Variants in ZIM2 observed in about 807,000 individuals in gnomAD.
The protein encoded by ZIM2 is zinc finger protein 656.
Under a neutral mutation model 38.6 loss-of-function variants are expected in ZIM2, and 14 were observed. The observed-to-expected ratio is 0.36, with a 90% CI of 0.24 to 0.57. ZIM2 has a LOEUF of 0.57. ZIM2 is among the 20% of genes least tolerant of loss of function. The pLI is 0.81. For synonymous variants in ZIM2, 247 were observed against 245.8 expected (o/e 1.00, Z -0.04); for missense variants, 680 against 695.1 (o/e 0.98, Z 0.24).
chr19:56,819,780 A>C (rs1253366173), intron 7 of ZIM2, among the ~76,000 whole-genome samples: 1 of 152,228 alleles, frequency 6.6e-6, no homozygotes, highest in African/African-American at 2.4e-5. Flanking sequence ...TGTAAAGGAA[A>C]TACAAATGTC....
Position 56,814,269 on chromosome 19 carries a change from G to A in ZIM2, c.490+3477C>T, listed in dbSNP as rs768013153. ...CCACTTCTGGCTCAGCAGCCTCTAC[G>A]TTTAAGCCCTGAATCCTCAGAACTA... On this transcript the variant is annotated intron_variant, in intron 9 of 12. Coordinates refer to ENST00000629319, the MANE Select transcript of ZIM2 (RefSeq NM_001387356.1). The surrounding 1 kb of genome is among the most constrained non-coding windows in gnomAD (Gnocchi z 5.8). The A allele has an allele frequency of 1.1e-5, 18 of 1,612,816 alleles. No homozygotes were observed. The highest frequency in any genetic ancestry group is 8.8e-5 in the South Asian group (8 of 90,608).
intron 10 of ZIM2, 35 bp from the exon 11 acceptor site, chr19:56,782,156 G>A (rs1373745747): frequency 6.2e-7 from 1 of 1,605,112 alleles, no homozygotes; most frequent in Admixed American, 1.7e-5. Context: ...CGTGATTAGA[G>A]AGGACTGAAC....
intron 9 of ZIM2, chr19:56,817,294 G>C (rs777335656): frequency 2.5e-6 from 4 of 1,613,980 alleles, no homozygotes; most frequent in Admixed American, 3.3e-5. Context: ...TCTCTTTCTG[G>C]AAACAAGGGT....
At chr19:56,830,932 A>G (rs2146521066) in intron 2 of ZIM2, among the ~76,000 whole-genome samples, 1 of 152,198 alleles carries the variant, frequency 6.6e-6, no homozygotes, top group South Asian at 2.1e-4. Context: ...ATCACCAAAA[A>G]AATAAAAAAC....
chr19:56,793,096 T>C (rs1341106208), intron 9 of ZIM2: 2 of 152,690 alleles, frequency 1.3e-5, no homozygotes, highest in Non-Finnish European at 2.9e-5. Context: ...CTGAATCTCC[T>C]CTGGCAGGGT....
rs1378873959 is a variant in ZIM2 at position 56,833,082 on chromosome 19, C to T, written c.-227+2936G>A. On this transcript the variant is annotated intron_variant, in intron 2 of 12. Coordinates refer to ENST00000629319, the MANE Select transcript of ZIM2 (RefSeq NM_001387356.1). ...CAGTGTTCAACTGAGCAGGGAAGAA[C>T]TTAATGAAAGAACACATCATGCACT... 1.0e-5 allele frequency: 5 copies of T among 484,538 alleles called. No individual in the cohort carries two copies. The East Asian group carries it at 2.9e-4, about 28-fold the overall frequency. 30.0% of individuals were successfully genotyped at this position (484,538 alleles called of 1,614,324 possible).
intron 2 of ZIM2, 148 bp downstream of exon 2, chr19:56,835,870 C>A (rs890564347): frequency 5.9e-6 from 2 of 341,224 alleles, no homozygotes; most frequent in Non-Finnish European, 1.2e-5. Flanking sequence ...ACACAATCCA[C>A]CAGAAGAGTC....
intron 9 of ZIM2, chr19:56,812,594 T>C (rs916342041): frequency 3.0e-6 from 3 of 985,774 alleles, no homozygotes; most frequent in East Asian, 2.3e-4. Flanking sequence ...ATGTTGCTAC[T>C]TGTCACTTAA....
At chr19:56,795,513 C>G (rs1017254908) in intron 9 of ZIM2, among the ~76,000 whole-genome samples, 1 of 152,240 alleles carries the variant, frequency 6.6e-6, no homozygotes, top group Non-Finnish European at 1.5e-5. Flanking sequence ...CACGCCCTGA[C>G]CAAAACCAGC....
At chr19:56,794,985 T>A (rs997788314) in intron 9 of ZIM2, among the ~76,000 whole-genome samples, 10 of 152,252 alleles carry the variant, frequency 6.6e-5, no homozygotes, top group Admixed American at 2.0e-4. Context: ...TGTTTCAGAT[T>A]TACAAGCCAA....
chr19:56,825,347 T>C (rs945632077), intron 3 of ZIM2, among the ~76,000 whole-genome samples: 1 of 152,260 alleles, frequency 6.6e-6, no homozygotes, highest in Non-Finnish European at 1.5e-5. Context: ...CAGTGAGAAG[T>C]GACCATTGAG....
chr19:56,813,344 A>G (rs2059672353), intron 9 of ZIM2: 1 of 1,077,482 alleles, frequency 9.3e-7, no homozygotes, highest in African/African-American at 1.6e-5. Flanking sequence ...AACACTATAT[A>G]TACGTTACAC....
intron 9 of ZIM2, chr19:56,810,279 C>T (rs2048033510): frequency 2.0e-6 from 2 of 980,496 alleles, no homozygotes; most frequent in African/African-American, 1.8e-5. Context: ...ATAATGAACA[C>T]ATTTCATATA....
At chr19:56,810,496 G>GT in intron 9 of ZIM2, 1 of 984,950 alleles carries the variant, frequency 1.0e-6, no homozygotes, top group African/African-American at 1.7e-5. Context: ...GATGTTAACA[G>GT]TTAATTGTTG....
At chr19:56,835,887 T>C (rs897071690) in intron 2 of ZIM2, 131 bp downstream of exon 2, 1 of 377,550 alleles carries the variant, frequency 2.6e-6, no homozygotes, top group African/African-American at 2.1e-5. Context: ...AGTCTGGGTG[T>C]TCTCAGAGGG....
chr19:56,776,113 A>G (rs1198167760), intron 12 of ZIM2, among the ~76,000 whole-genome samples: 2 of 150,422 alleles, frequency 1.3e-5, no homozygotes, highest in African/African-American at 2.4e-5. Context: ...AAAAAAAAAA[A>G]AAAAAAAAAG....
At chr19:56,813,974 G>A (rs771005466) in intron 9 of ZIM2, 1 of 1,613,960 alleles carries the variant, frequency 6.2e-7, no homozygotes, top group Non-Finnish European at 8.5e-7. Flanking sequence ...CCTTCTTCTG[G>A]GTCTTCAATT....
intron 9 of ZIM2, chr19:56,817,144 C>A (rs150722005): frequency 1.9e-6 from 3 of 1,614,060 alleles, no homozygotes; most frequent in Non-Finnish European, 2.5e-6. Flanking sequence ...GGAGCTGAGG[C>A]TGCTCAGGCT....
intron 9 of ZIM2, chr19:56,798,849 A>G (rs1275921553): frequency 6.6e-6 from 1 of 152,070 alleles, no homozygotes; most frequent in Non-Finnish European, 1.5e-5. Flanking sequence ...GGCAATGAAC[A>G]TTTTTTTTAA....
Sources: allele counts gnomAD v4.1 joint callset (sites outside exome capture counted in the v4.1 genomes callset), GRCh38; gene constraint gnomAD v4.1.1; non-coding constraint Gnocchi (gnomAD v3.1); transcripts MANE v1.5; gene names NCBI Gene and HGNC (gene_info 2026-07-23, HGNC 2026-07-21).